OPHN1: variants seen among roughly 807,000 people sequenced by gnomAD.
OPHN1 encodes oligophrenin-1.
OPHN1 carries 11 observed loss-of-function variants against 60.7 expected under a neutral mutation model. That is an observed-to-expected ratio of 0.18 (90% confidence interval 0.11 to 0.30). The LOEUF (loss-of-function observed/expected upper bound fraction) is 0.30. OPHN1 is among the 10% of genes least tolerant of loss of function. The pLI, the probability that OPHN1 is intolerant of heterozygous loss-of-function variation, is 1.00. For missense variants in OPHN1, 449 were observed against 611.0 expected, an observed-to-expected ratio of 0.73 and a Z score of 2.80; for synonymous variants, 226 against 222.6, an observed-to-expected ratio of 1.02 and a Z score of -0.14.
chrX:68,415,048 AC>A (rs2078787376), intron 2 of OPHN1, among the ~76,000 whole-genome samples: 1 of 112,270 alleles, frequency 8.9e-6, no homozygotes, highest in Admixed American at 9.5e-5. Flanking sequence ...CTACAAGGCA[AC>A]AATCTAATTC....
chrX:68,154,588 T>C (rs2077299913), intron 15 of OPHN1, among the ~76,000 whole-genome samples: 2 of 112,178 alleles, frequency 1.8e-5, no homozygotes, highest in Admixed American at 9.5e-5. Flanking sequence ...ATTTTATAAC[T>C]GGTCTACTAT....
chrX:68,426,537 T>C (rs2078857027), intron 2 of OPHN1, among the ~76,000 whole-genome samples: 1 of 81,339 alleles, frequency 1.2e-5, no homozygotes, highest in South Asian at 6.4e-4. Flanking sequence ...ATATATTTTT[T>C]TTCTGACATC....
At chrX:68,328,198 G>A (rs12394016) in intron 2 of OPHN1, among the ~76,000 whole-genome samples, 6,565 of 100,386 alleles carry the variant, frequency 0.065, 593 homozygotes, top group African/African-American at 0.24. Flanking sequence ...GCGCGATCTC[G>A]GCTCACTGCA....
intron 2 of OPHN1, among the ~76,000 whole-genome samples, chrX:68,364,400 A>G (rs1036779300): frequency 8.9e-6 from 1 of 112,363 alleles, no homozygotes; most frequent in Non-Finnish European, 1.9e-5. Context: ...CTTTATACTT[A>G]ATATAGTCGA....
intron 2 of OPHN1, among the ~76,000 whole-genome samples, chrX:68,412,708 C>A (rs931562089): frequency 4.5e-5 from 5 of 111,289 alleles, no homozygotes; most frequent in African/African-American, 1.6e-4. Context: ...TTAAACAAAT[C>A]CTTTTTCTTG....
At chrX:68,076,405 A>G (rs767078687) in intron 19 of OPHN1, among the ~76,000 whole-genome samples, 11 of 110,117 alleles carry the variant, frequency 1.0e-4, no homozygotes, top group South Asian at 3.9e-4. Flanking sequence ...GAATTAAAAA[A>G]AAAAACCACC....
At chrX:68,393,881 CTTTGTTTTTTTTTTT>C (rs2078666814) in intron 2 of OPHN1, among the ~76,000 whole-genome samples, 1 of 25,614 alleles carries the variant, frequency 3.9e-5, no homozygotes, top group Non-Finnish European at 1.3e-4. Flanking sequence ...ATCCAATAGA[CTTTGTTTTTTTTTTT>C]TTTTTTTTTT....
intron 2 of OPHN1, among the ~76,000 whole-genome samples, chrX:68,369,009 C>T (rs1782740749): frequency 9.0e-6 from 1 of 111,429 alleles, no homozygotes; most frequent in Non-Finnish European, 1.9e-5. Context: ...GAAATTGAGA[C>T]CATCCTGGCC....
chrX:68,204,312 G>A (rs963223188), intron 10 of OPHN1, among the ~76,000 whole-genome samples: 1 of 111,753 alleles, frequency 8.9e-6, no homozygotes, highest in African/African-American at 3.3e-5. Context: ...AAAGTAGTGG[G>A]ACCAACGCTA....
chrX:68,083,059 T>C (rs1387045349), intron 19 of OPHN1, among the ~76,000 whole-genome samples: 2 of 58,059 alleles, frequency 3.4e-5, no homozygotes, highest in African/African-American at 1.2e-4. Context: ...AGTTTCTTTT[T>C]TTTTTTTTTT....
intron 2 of OPHN1, among the ~76,000 whole-genome samples, chrX:68,320,997 C>T (rs1467341476): frequency 8.9e-6 from 1 of 112,221 alleles, no homozygotes; most frequent in East Asian, 2.8e-4. Flanking sequence ...CTTGGGCATA[C>T]CACCCTCTGG....
intron 18 of OPHN1, among the ~76,000 whole-genome samples, chrX:68,107,374 A>G: frequency 8.9e-6 from 1 of 111,871 alleles, no homozygotes; most frequent in Admixed American, 9.5e-5. Flanking sequence ...ACTGTCAAAT[A>G]CTGTGTGTTT....
At chrX:68,079,952 A>G (rs1328571383) in intron 19 of OPHN1, among the ~76,000 whole-genome samples, 1 of 110,986 alleles carries the variant, frequency 9.0e-6, no homozygotes, top group Non-Finnish European at 1.9e-5. Context: ...ACTACCACTG[A>G]CTTGGTTGAG....
rs752706223 is a variant in OPHN1, at chrX:68,328,531, TA to T, written c.155-29436del. On this transcript the variant is annotated intron_variant, in intron 2 of 24. Transcript: ENST00000355520. The stretch of plus-strand genomic sequence containing the variant: ...AAAAAGTACAAGTAATAAAGGAAAA[TA>T]AATATATTTTAACAGTTAAAAACTT... Among the ~76,000 whole-genome samples, 5 of 112,040 alleles carry T rather than the reference TA, an allele frequency of 4.5e-5. No homozygotes were observed. In the South Asian group the frequency reaches 1.8e-3, roughly 41 times the overall value.
chrX:68,092,071 A>G (rs1458765313), intron 19 of OPHN1, among the ~76,000 whole-genome samples: 1 of 111,903 alleles, frequency 8.9e-6, no homozygotes, highest in Non-Finnish European at 1.9e-5. Flanking sequence ...CACTGTATTT[A>G]CAGACCCTGG....
intron 2 of OPHN1, among the ~76,000 whole-genome samples, chrX:68,342,306 G>T: frequency 9.0e-6 from 1 of 111,317 alleles, no homozygotes; most frequent in East Asian, 2.8e-4. Flanking sequence ...GTGTGATAAA[G>T]GATTGTGGTA....
At position 68,073,187 on chromosome X, in the gene OPHN1, G is replaced by A. The variant is rs189644845; in HGVS notation, c.1799C>T (p.Thr600Met). The A allele has an allele frequency of 3.4e-5, 41 of 1,209,562 alleles. No homozygotes were observed. In the East Asian group the frequency reaches 8.0e-4, roughly 24 times the overall value. ...TISKRLLRER[T>M]VFYTSSLDES... ...ATCCAGGGAAGAAGTATAGAAAACCGTCCTTTCTCGCAGCAAGCGCTTTGA... is the reference window on the plus strand; with the variant it reads ...ATCCAGGGAAGAAGTATAGAAAACCATCCTTTCTCGCAGCAAGCGCTTTGA... The change falls in exon 20 of 25, where the codon ACG becomes ATG. Residue 600 changes from threonine to methionine, a missense_variant. Thr to Met is a moderately conservative substitution (Grantham distance 81). Transcript: ENST00000355520.
chrX:68,230,063 A>G lies in OPHN1; in HGVS notation c.486+4424T>C, dbSNP rs749491173. On this transcript the variant is annotated intron_variant, in intron 6 of 24. Transcript: ENST00000355520. ...ATCTACAAAGAACTTAAACAAATTT[A>G]CAAGAAAAAATCAAACAACCCCATC... Among the ~76,000 whole-genome samples the G allele has an allele frequency of 1.9e-4, 21 of 112,461 alleles. No homozygotes were observed. The South Asian group carries it at 7.7e-3, about 41-fold the overall frequency.
chrX:68,167,098 T>G lies in OPHN1; in HGVS notation c.1276+25821A>C, dbSNP rs2077361774. Among the ~76,000 whole-genome samples, 5 of 111,558 alleles carry G rather than the reference T, an allele frequency of 4.5e-5. No individual in the cohort carries two copies. In the South Asian group the frequency reaches 1.5e-3, roughly 33 times the overall value. On this transcript the variant is annotated intron_variant, in intron 15 of 24. Coordinates refer to ENST00000355520, the MANE Select transcript of OPHN1 (RefSeq NM_002547.3). ...CAATCAACAAAGCAAAGAGACAACC[T>G]ACAGAATGGGAGAAAATATCTGCAA...
Sources: gnomAD v4.1 joint callset for allele counts (sites outside exome capture counted in the v4.1 genomes callset) on GRCh38, gnomAD v4.1.1 for gene constraint, MANE v1.5 for transcripts, NCBI Gene and HGNC (gene_info 2026-07-23, HGNC 2026-07-21) for gene names.